Variants in ANKRD26 observed in about 807,000 individuals in gnomAD.
ANKRD26 encodes ankyrin repeat domain-containing protein 26.
Under a neutral mutation model 208.7 loss-of-function variants are expected in ANKRD26, and 141 were observed. The ratio of observed to expected loss-of-function variants is 0.68; its 90% CI spans 0.59 to 0.78. The LOEUF is 0.78. Among genes scored for constraint, ANKRD26 ranks in the 30% least tolerant of loss-of-function variants. The probability of loss-of-function intolerance (pLI) is 0.00; values close to 1 mark genes in which losing one functional copy is unlikely to be tolerated. For synonymous variants in ANKRD26, 636 were observed against 660.4 expected, an observed-to-expected ratio of 0.96 and a Z score of 0.57; for missense variants, 1,889 against 1,938.7, an observed-to-expected ratio of 0.97 and a Z score of 0.48.
downstream of ANKRD26, among the ~76,000 whole-genome samples, chr10:27,001,721 G>A (rs1044560368): frequency 1.3e-5 from 2 of 152,142 alleles, no homozygotes; most frequent in African/African-American, 4.8e-5. Context: ...CCTCCATGTT[G>A]AACATCCCCA....
chr10:26,992,463 C>CACACGT (rs1237212798), intron 5 of ANKRD26, among the ~76,000 whole-genome samples: 2 of 124,258 alleles, frequency 1.6e-5, no homozygotes, highest in African/African-American at 3.7e-5. Context: ...ATAAAATACA[C>CACACGT]ACACGTACAC....
chr10:27,014,434 T>G, intron 31 of ANKRD26, 60 bp downstream of exon 31: 2 of 1,288,508 alleles, frequency 1.6e-6, no homozygotes, highest in Non-Finnish European at 1.1e-6. Flanking sequence ...CTAAGAATTA[T>G]GCTTTCAAGG....
At chr10:27,081,987 T>C (rs758396422) in intron 6 of ANKRD26, among the ~76,000 whole-genome samples, 25 of 149,052 alleles carry the variant, frequency 1.7e-4, no homozygotes, top group Admixed American at 9.5e-4. Flanking sequence ...ATGCCCACCT[T>C]GGCCTCCCAA....
chr10:27,075,244 A>G (rs1174749318), intron 9 of ANKRD26, among the ~76,000 whole-genome samples: 1 of 152,202 alleles, frequency 6.6e-6, no homozygotes, highest in Non-Finnish European at 1.5e-5. Context: ...AGATCTCAAT[A>G]TTACCATTGA....
the ANKRD26 span, among the ~76,000 whole-genome samples, chr10:26,947,661 G>T: frequency 6.6e-6 from 1 of 152,204 alleles, no homozygotes; most frequent in South Asian, 2.1e-4. Flanking sequence ...CAAATTCTCA[G>T]TGAGGAAGCG....
intron 21 of ANKRD26, among the ~76,000 whole-genome samples, chr10:27,039,181 C>T (rs891419588): frequency 2.6e-5 from 4 of 152,128 alleles, no homozygotes; most frequent in African/African-American, 7.2e-5. Context: ...TGGCCGGGAA[C>T]GGTGGCTCAT....
chr10:26,961,214 T>TAA, the ANKRD26 span, among the ~76,000 whole-genome samples: 3 of 139,816 alleles, frequency 2.1e-5, no homozygotes, highest in African/African-American at 8.2e-5. Context: ...AGAATCCATC[T>TAA]AAAAAAAAAA....
At chr10:27,073,660 G>T (rs1466860098) in intron 9 of ANKRD26, among the ~76,000 whole-genome samples, 1 of 152,124 alleles carries the variant, frequency 6.6e-6, no homozygotes, top group East Asian at 1.9e-4. Context: ...TTTTACCCAT[G>T]GGCTCCTTCA....
At chr10:27,085,461 T>A (rs954905599) in intron 5 of ANKRD26, among the ~76,000 whole-genome samples, 1 of 152,186 alleles carries the variant, frequency 6.6e-6, no homozygotes, top group African/African-American at 2.4e-5. Flanking sequence ...TTAGGCTGAA[T>A]AAAGTCAGTA....
At chr10:27,051,758 A>G (rs1310002031) in intron 16 of ANKRD26, 2 of 985,238 alleles carry the variant, frequency 2.0e-6, no homozygotes, top group Admixed American at 1.2e-4. Flanking sequence ...AATCTTTTTC[A>G]TCGCAATCAA....
In ANKRD26 at chr10:27,029,351, T is replaced by C. The variant is rs762782433; in HGVS notation, c.3813A>G (p.Gln1271=). ...CTTCTGTATGTCGATCCTGTGCTTC[T>C]TGCAACTAAAACAAAGAATAAAAAA... is the stretch of plus-strand genomic sequence containing the variant. ...KKLGQIRNQL[Q]EAQDRHTEAV... is the part of the protein sequence containing the mutation. The change falls in exon 26 of 34, where the codon CAA becomes CAG. Residue 1271 remains glutamine, a synonymous_variant. Transcript: ENST00000376087. 3 of 1,611,690 alleles carry C rather than the reference T, an allele frequency of 1.9e-6. No individual in the cohort carries two copies. The highest frequency in any genetic ancestry group is 1.1e-5 in the South Asian group (1 of 90,612).
chr10:27,061,017 C>T, intron 13 of ANKRD26, 127 bp downstream of exon 13: 1 of 751,704 alleles, frequency 1.3e-6, no homozygotes, highest in Non-Finnish European at 2.3e-6. Flanking sequence ...AGGAAGCACA[C>T]AGTTATGATG....
In ANKRD26 at chr10:27,004,996, G is replaced by A. The variant is rs1052920826; in HGVS notation, c.*594C>T. The A allele has an allele frequency of 3.1e-5, 30 of 970,694 alleles. No individual in the cohort carries two copies. The highest frequency in any genetic ancestry group is 1.0e-3 in the Middle Eastern group (2 of 1,910). 60.1% of individuals were successfully genotyped at this position (970,694 alleles called of 1,614,324 possible). A position where few individuals can be genotyped will look rare whatever the true frequency, so the allele number is the denominator to read the frequency against. Reference sequence around the variant, plus strand: ...TCAGCAATTTACTCTCAAATTGTTCGGAGGAGAAAGTCTTTGTACTAAAAC... The same window carrying A: ...TCAGCAATTTACTCTCAAATTGTTCAGAGGAGAAAGTCTTTGTACTAAAAC... On this transcript the variant is annotated 3_prime_UTR_variant, in exon 34 of 34. Transcript: ENST00000376087.
rs1253616585 is a variant in ANKRD26, at chr10:27,005,319, A to G, written c.*271T>C. ...AAATAAGCCATCAATTAACTGCACT[A>G]AAGTATTAATGACAACTTAGTGGTT... is the stretch of plus-strand genomic sequence containing the variant. On this transcript the variant is annotated 3_prime_UTR_variant, in exon 34 of 34. Transcript: ENST00000376087. 20 of 1,132,074 alleles carry G rather than the reference A, an allele frequency of 1.8e-5. No individual in the cohort carries two copies. The highest frequency in any genetic ancestry group is 1.2e-4 in the East Asian group (2 of 16,168). The allele number at this position is 1,132,074 out of a possible 1,614,324, so 70.1% of individuals were successfully genotyped here.
chr10:26,972,745 C>T (rs1340553574), downstream of ANKRD26, among the ~76,000 whole-genome samples: 1 of 151,954 alleles, frequency 6.6e-6, no homozygotes, highest in East Asian at 1.9e-4. Context: ...CGCCCGCCAC[C>T]GTGCCCGGCT....
rs1037224534 is a variant in ANKRD26 at position 27,100,488 on chromosome 10, T to C, written c.-162A>G. ...CGGGTTACCAAGCAAGCGATCCCGC[T>C]AGACACAAGTGCGCATGCGCACCTC... On this transcript the variant is annotated 5_prime_UTR_variant, in exon 1 of 34. Transcript: ENST00000376087. 2 of 1,092,290 alleles carry C rather than the reference T, an allele frequency of 1.8e-6. No homozygotes were observed. Among genetic ancestry groups the C allele is most frequent in the African/African-American group, 1.6e-5 (1 of 63,026 alleles). The allele number at this position is 1,092,290 out of a possible 1,614,324, so 67.7% of individuals were successfully genotyped here. A position where few individuals can be genotyped will look rare whatever the true frequency, so the allele number is the denominator to read the frequency against.
intron 32 of ANKRD26, among the ~76,000 whole-genome samples, chr10:27,012,247 G>GTA (rs914915468): frequency 3.3e-5 from 5 of 152,030 alleles, no homozygotes; most frequent in Admixed American, 2.6e-4. Flanking sequence ...GTATCTCAAC[G>GTA]TATACCTTTT....
In ANKRD26 at chr10:27,061,082, A is replaced by G; in HGVS notation, c.1462+62T>C. On this transcript the variant is annotated intron_variant, in intron 13 of 33. Transcript: ENST00000376087. ...TCATCAGAGAAAGTGTTCTGAATTG[A>G]TCAGCTTGGATATACACTTGTAGAA... The G allele has an allele frequency of 2.5e-6, 3 of 1,209,226 alleles. No homozygotes were observed. The South Asian group carries it at 3.6e-5, about 15-fold the overall frequency. The allele number at this position is 1,209,226 out of a possible 1,614,324, so 74.9% of individuals were successfully genotyped here.
At position 27,028,885 on chromosome 10, in the gene ANKRD26, C is replaced by G. The variant is rs755241312; in HGVS notation, c.3939G>C (p.Glu1313Asp). The G allele has an allele frequency of 6.2e-7, 1 of 1,613,320 alleles. No homozygotes were observed. The highest frequency in any genetic ancestry group is 8.5e-7 in the Non-Finnish European group (1 of 1,179,608). The change falls in exon 27 of 34, where the codon GAG becomes GAC. Residue 1313 changes from glutamate to aspartate, a missense_variant. Coordinates refer to ENST00000376087, the MANE Select transcript of ANKRD26 (RefSeq NM_014915.3). ...VTVKKQMDKI[E>D]ELQKNLLNAN... ...CATTTAACAGGTTTTTCTGAAGCTC[C>G]TCAATTTTGTCCATTTGCTTTTTGA...
Sources: gnomAD v4.1 joint callset for allele counts (sites outside exome capture counted in the v4.1 genomes callset) on GRCh38, gnomAD v4.1.1 for gene constraint, MANE v1.5 for transcripts, NCBI Gene and HGNC (gene_info 2026-07-23, HGNC 2026-07-21) for gene names.